The following DOC2B variants were observed in gnomAD, a reference collection of about 807,000 sequenced individuals.
The protein encoded by DOC2B is double C2 domain beta, also known as double C2-like domain-containing protein beta.
DOC2B carries 21 observed loss-of-function variants against 28.9 expected under a neutral mutation model. That is an observed-to-expected ratio of 0.73 (90% confidence interval 0.52 to 1.05). The LOEUF (loss-of-function observed/expected upper bound fraction) is 1.05, where lower values mean the gene tolerates loss of function less well. DOC2B is among the 50% of genes least tolerant of loss of function. The pLI is 0.00. For synonymous variants in DOC2B, 194 were observed against 178.1 expected, an observed-to-expected ratio of 1.09 and a Z score of -0.71; for missense variants, 384 against 421.1, an observed-to-expected ratio of 0.91 and a Z score of 0.77.
At position 153,796 on chromosome 17, in the gene DOC2B, A is replaced by T. The variant is rs541182072; in HGVS notation, c.923+2424T>A. ...TTCAAGTCAATGACAAATCAGAAGA[A>T]AAAACATATATATACGCAAACCAGT... On this transcript the variant is annotated intron_variant, in intron 6 of 8. Coordinates refer to ENST00000613549, the MANE Select transcript of DOC2B (RefSeq NM_003585.5). 7.2e-5 allele frequency among the ~76,000 whole-genome samples: 11 copies of T among 152,254 alleles called. No homozygotes were observed. In the East Asian group the frequency reaches 2.1e-3, roughly 29 times the overall value.
intron 1 of DOC2B, among the ~76,000 whole-genome samples, chr17:173,009 C>T (rs533941759): frequency 5.5e-4 from 83 of 152,282 alleles, no homozygotes; most frequent in African/African-American, 1.4e-3. Flanking sequence ...TCACACAAGG[C>T]GGAGGAGACG....
At chr17:153,266 T>G (rs1056626792) in intron 6 of DOC2B, among the ~76,000 whole-genome samples, 7 of 152,308 alleles carry the variant, frequency 4.6e-5, no homozygotes, top group Admixed American at 1.3e-4. Context: ...GGACAGGCCC[T>G]GCCCAGATGG....
intron 2 of DOC2B, 132 bp downstream of exon 2, chr17:172,405 C>T (rs944922953): frequency 4.5e-6 from 3 of 662,174 alleles, no homozygotes; most frequent in African/African-American, 3.7e-5. Context: ...TTCCTGGCCC[C>T]GCACCCCACA....
intron 3 of DOC2B, chr17:163,807 C>G: frequency 3.1e-6 from 1 of 323,166 alleles, no homozygotes; most frequent in Non-Finnish European, 5.8e-6. Flanking sequence ...TTGTTTGCAC[C>G]TAATAGTAAC....
At chr17:148,544 A>G (rs2040039625) in intron 7 of DOC2B, among the ~76,000 whole-genome samples, 1 of 151,886 alleles carries the variant, frequency 6.6e-6, no homozygotes, top group South Asian at 2.1e-4. Flanking sequence ...CACGCCCCAC[A>G]GTCCTTGTCA....
At chr17:179,894 G>A (rs1408669180) in intron 1 of DOC2B, among the ~76,000 whole-genome samples, 4 of 152,284 alleles carry the variant, frequency 2.6e-5, no homozygotes, top group South Asian at 2.1e-4. Flanking sequence ...ACCGGCCACT[G>A]CTGATGGGCC....
intron 1 of DOC2B, among the ~76,000 whole-genome samples, chr17:179,880 T>C (rs1350039975): frequency 2.0e-5 from 3 of 152,266 alleles, no homozygotes; most frequent in African/African-American, 7.2e-5. Flanking sequence ...GGGGCCCTGC[T>C]CTAACCGGCC....
chr17:147,297 G>C lies in DOC2B; in HGVS notation c.*144C>G, dbSNP rs1050754009. On this transcript the variant is annotated 3_prime_UTR_variant, in exon 9 of 9. Coordinates refer to ENST00000613549, the MANE Select transcript of DOC2B (RefSeq NM_003585.5). ...GCTGAGCCCTCCACATCCTCCGAGCGGGGACTGCAGTGGCTCTGTGTCCAA... is the reference window on the plus strand; with the variant it reads ...GCTGAGCCCTCCACATCCTCCGAGCCGGGACTGCAGTGGCTCTGTGTCCAA... The C allele has an allele frequency of 2.5e-6, 1 of 396,162 alleles. No individual in the cohort carries two copies. Among genetic ancestry groups the C allele is most frequent in the Admixed American group, 4.4e-5 (1 of 22,644 alleles). 24.5% of individuals were successfully genotyped at this position (396,162 alleles called of 1,614,324 possible). A position where few individuals can be genotyped will look rare whatever the true frequency, so the allele number is the denominator to read the frequency against.
At chr17:163,972 G>A (rs1555523590) in intron 3 of DOC2B, among the ~76,000 whole-genome samples, 158 bp downstream of exon 3, 1 of 152,202 alleles carries the variant, frequency 6.6e-6, no homozygotes, top group African/African-American at 2.4e-5. Context: ...AATGGCTGAG[G>A]TCCCATCAGC....
chr17:154,841 T>G (rs1000455711), intron 6 of DOC2B, among the ~76,000 whole-genome samples: 6 of 152,118 alleles, frequency 3.9e-5, no homozygotes, highest in Non-Finnish European at 7.3e-5. Flanking sequence ...GTGATTTTCC[T>G]GCCTCAGCCT....
rs993955059 is a variant in DOC2B at position 144,763 on chromosome 17, C to G, written c.*2678G>C. The stretch of plus-strand genomic sequence containing the variant: ...TGCACAGCCTGGGCAGTAGAGGGCC[C>G]TGGACTGGGGGGCTGGAGTTCTGGG... On this transcript the variant is annotated 3_prime_UTR_variant, in exon 9 of 9. Transcript: ENST00000613549. 9.2e-5 allele frequency: 14 copies of G among 152,252 alleles called. No individual in the cohort carries two copies. Among genetic ancestry groups the G allele is most frequent in the Non-Finnish European group, 1.9e-4 (13 of 68,086 alleles). The allele number at this position is 152,252 out of a possible 1,614,324, so 9.4% of individuals were successfully genotyped here.
chr17:156,251 C>T lies in DOC2B; in HGVS notation c.892G>A (p.Ala298Thr), dbSNP rs372274728. ...ACGTAGGGGTCCGAGTAGCCGTTGG[C>T]GTCCATGGCGGCCAGGTGGGCGCAC... is the stretch of plus-strand genomic sequence containing the variant. ...VRCAHLAAMDANGYSDPYVKT... is the reference protein window; with the variant it reads ...VRCAHLAAMDTNGYSDPYVKT... Residue 298 changes from alanine to threonine, a missense_variant, in exon 6 of 9, where the codon GCC becomes ACC. Ala to Thr is a moderately conservative substitution (Grantham distance 58). Coordinates refer to ENST00000613549, the MANE Select transcript of DOC2B (RefSeq NM_003585.5). The T allele has an allele frequency of 1.7e-4, 266 of 1,551,360 alleles. No homozygotes were observed. In the African/African-American group the frequency reaches 2.5e-3, roughly 15 times the overall value.
intron 6 of DOC2B, among the ~76,000 whole-genome samples, chr17:154,425 A>C (rs993109475): frequency 6.7e-6 from 1 of 150,106 alleles, no homozygotes; most frequent in Non-Finnish European, 1.5e-5. Flanking sequence ...ACTCCTTCTT[A>C]TGACTGATAT....
chr17:155,457 T>C (rs1555522307), intron 6 of DOC2B, among the ~76,000 whole-genome samples: 2 of 151,884 alleles, frequency 1.3e-5, no homozygotes, highest in African/African-American at 2.4e-5. Context: ...CCTCTGTCAT[T>C]CCCCCTCCCT....
intron 2 of DOC2B, among the ~76,000 whole-genome samples, chr17:164,430 C>T (rs903467077): frequency 2.6e-5 from 4 of 152,156 alleles, no homozygotes; most frequent in African/African-American, 9.7e-5. Flanking sequence ...GTCATGGGGC[C>T]TCTGTCAGGA....
Position 164,225 on chromosome 17 carries a change from G to C in DOC2B, c.454-21C>G, listed in dbSNP as rs767324803. On this transcript the variant is annotated intron_variant, in intron 2 of 8. Coordinates refer to ENST00000613549, the MANE Select transcript of DOC2B (RefSeq NM_003585.5). ...AGGCCCTGGGCAGAGAAGAGCAAAC[G>C]GTGTGAACTGGAAATCGGGGACATG... 3 of 1,522,706 alleles carry C rather than the reference G, an allele frequency of 2.0e-6. No individual in the cohort carries two copies. The African/African-American group carries it at 4.1e-5, about 21-fold the overall frequency. 94.3% of individuals were successfully genotyped at this position (1,522,706 alleles called of 1,614,324 possible). A position where few individuals can be genotyped will look rare whatever the true frequency, so the allele number is the denominator to read the frequency against.
At chr17:153,218 A>G (rs557724623) in intron 6 of DOC2B, among the ~76,000 whole-genome samples, 2 of 152,324 alleles carry the variant, frequency 1.3e-5, no homozygotes, top group Non-Finnish European at 2.9e-5. Context: ...CAGCACCCAC[A>G]GCAGCCACCT....
At chr17:152,632 C>T (rs1555521918) in intron 6 of DOC2B, among the ~76,000 whole-genome samples, 4 of 152,002 alleles carry the variant, frequency 2.6e-5, no homozygotes, top group South Asian at 2.1e-4. Flanking sequence ...ACTAGCCAGG[C>T]GTGGTGGTGC....
At chr17:172,477 A>C in intron 2 of DOC2B, 60 bp downstream of exon 2, 1 of 1,435,610 alleles carries the variant, frequency 7.0e-7, no homozygotes, top group Non-Finnish European at 9.6e-7. Flanking sequence ...GGCCTCCCTG[A>C]CCTAGGCCCT....
Sources: gnomAD v4.1 joint callset for allele counts (sites outside exome capture counted in the v4.1 genomes callset) on GRCh38, gnomAD v4.1.1 for gene constraint, MANE v1.5 for transcripts, NCBI Gene and HGNC (gene_info 2026-07-23, HGNC 2026-07-21) for gene names.